PDZD4: variants seen among roughly 807,000 people sequenced by gnomAD.
PDZD4 encodes the protein PDZ domain containing 4, also known as PDZ domain-containing protein 4.
PDZD4 carries 9 observed loss-of-function variants against 38.5 expected under a neutral mutation model. The ratio of observed to expected loss-of-function variants is 0.23; its 90% CI spans 0.14 to 0.41. The LOEUF is 0.41. Ranked by LOEUF, PDZD4 falls within the 10% of genes least tolerant of loss-of-function variation. The pLI is 1.00. For synonymous variants in PDZD4, 349 were observed against 315.7 expected (o/e 1.11, Z -1.12); for missense variants, 612 against 722.0 (o/e 0.85, Z 1.75).
chrX:153,829,816 C>T, intron 1 of PDZD4: 2 of 759,858 alleles, frequency 2.6e-6, no homozygotes, highest in Non-Finnish European at 3.1e-6. Flanking sequence ...AGCCCCCGGA[C>T]GGACTTGGAC....
chrX:153,803,077 C>T lies in PDZD4; in HGVS notation c.*276G>A, dbSNP rs1029145509. The T allele has an allele frequency of 3.9e-6, 1 of 256,514 alleles. No individual in the cohort carries two copies. The highest frequency in any genetic ancestry group is 6.9e-6 in the Non-Finnish European group (1 of 143,966). The allele number at this position is 256,514 out of a possible 1,213,427, so 21.1% of individuals were successfully genotyped here. A position where few individuals can be genotyped will look rare whatever the true frequency, so the allele number is the denominator to read the frequency against. ...GAGCATGGGGGATGGGGAATGCACA[C>T]GCACAGCTGAAGGGGTGCCCATCAC... On this transcript the variant is annotated 3_prime_UTR_variant, in exon 8 of 8. Coordinates refer to ENST00000393758, the MANE Select transcript of PDZD4 (RefSeq NM_001303512.2).
chrX:153,828,021 A>G (rs142013526), intron 1 of PDZD4, among the ~76,000 whole-genome samples: 6,286 of 111,254 alleles, frequency 0.057, 428 homozygotes, highest in African/African-American at 0.19. Context: ...TCTTTCTGAA[A>G]ATCAGGCCCA....
chrX:153,803,763 G>A lies in PDZD4; in HGVS notation c.1918C>T (p.Arg640Cys). ...WKVKVRSDGT[R>C]YVAKRPVRDR... is the part of the protein sequence containing the mutation. ...CGCACGGGCCGCTTGGCCACGTAGC[G>A]GGTTCCGTCGCTGCGCACCTTCACT... The change falls in exon 8 of 8, where the codon CGC becomes TGC. Residue 640 changes from arginine to cysteine, a missense_variant. By Grantham distance (180) the Arg-to-Cys change is radical. This residue lies in a region of PDZD4 where 300 missense variants were observed against 284.6 expected (regional missense o/e 1.05). Transcript: ENST00000393758. 8.3e-7 allele frequency: 1 copy of A among 1,208,490 alleles called. No individual in the cohort carries two copies. The highest frequency in any genetic ancestry group is 3.0e-5 in the East Asian group (1 of 33,815).
intron 5 of PDZD4, 103 bp from the exon 6 acceptor site, chrX:153,805,709 G>C: frequency 3.1e-6 from 2 of 645,617 alleles, no homozygotes; most frequent in Non-Finnish European, 5.0e-6. Flanking sequence ...GGCTGGGCTA[G>C]GCTGGGGCTT....
rs782278611 is a variant in PDZD4, at chrX:153,804,176, A to G, written c.1505T>C (p.Met502Thr). 15 of 1,185,251 alleles carry G rather than the reference A, an allele frequency of 1.3e-5. No homozygotes were observed. The highest frequency in any genetic ancestry group is 1.2e-4 in the Admixed American group (5 of 42,934). The change falls in exon 8 of 8, where the codon ATG becomes ACG. Residue 502 changes from methionine (M) to threonine (T), a missense_variant. Transcript: ENST00000393758. ...PLPESPLRRAMAGNSNLNRTP... is the reference protein window; with the variant it reads ...PLPESPLRRATAGNSNLNRTP... ...CCGGTTCAAGTTGGAGTTGCCGGCC[A>G]TGGCCCGCCGCAGGGGGCTCTCGGG...
intron 1 of PDZD4, among the ~76,000 whole-genome samples, 160 bp from the exon 2 acceptor site, chrX:153,808,755 C>T (rs1248855188): frequency 8.8e-6 from 1 of 113,230 alleles, no homozygotes; most frequent in Non-Finnish European, 1.9e-5. Context: ...ACCTTTGGTG[C>T]CCCTGTTCCC....
intron 1 of PDZD4, among the ~76,000 whole-genome samples, chrX:153,816,593 CAGA>C (rs1253435055): frequency 9.0e-6 from 1 of 111,349 alleles, no homozygotes; most frequent in Non-Finnish European, 1.9e-5. Context: ...ACGGTGGATC[CAGA>C]ACACACCCCC....
chrX:153,803,255 G>A lies in PDZD4; in HGVS notation c.*98C>T, dbSNP rs2092185623. 4 of 632,702 alleles carry A rather than the reference G, an allele frequency of 6.3e-6. No individual in the cohort carries two copies. Among genetic ancestry groups the A allele is most frequent in the Non-Finnish European group, 8.7e-6 (4 of 458,648 alleles). The allele number at this position is 632,702 out of a possible 1,213,427, so 52.1% of individuals were successfully genotyped here. ...GTGTGCGTGCGCACAGCGAGCACGC[G>A]CGCGCGCACACACACACACACACAA... On this transcript the variant is annotated 3_prime_UTR_variant, in exon 8 of 8. Coordinates refer to ENST00000393758, the MANE Select transcript of PDZD4 (RefSeq NM_001303512.2).
chrX:153,814,935 A>C (rs1557079543), intron 1 of PDZD4, among the ~76,000 whole-genome samples: 1 of 112,131 alleles, frequency 8.9e-6, no homozygotes, highest in Non-Finnish European at 1.9e-5. Flanking sequence ...AGCACAATAG[A>C]TTTTGTACAA....
chrX:153,825,711 C>T (rs782317519), intron 1 of PDZD4, among the ~76,000 whole-genome samples: 1 of 112,280 alleles, frequency 8.9e-6, no homozygotes, highest in African/African-American at 3.2e-5. Context: ...CAATCCAATG[C>T]CTCTCATGAT....
chrX:153,808,341 C>T lies in PDZD4; in HGVS notation c.314+1G>A. 2 of 1,202,560 alleles carry T rather than the reference C, an allele frequency of 1.7e-6. No individual in the cohort carries two copies. The highest frequency in any genetic ancestry group is 1.8e-5 in the South Asian group (1 of 55,600). ...CCGGGGCCCTCCTGAGGGCGACTCA[C>T]AGCTCAGAGAGGACGTACGGCTCCA... is the stretch of plus-strand genomic sequence containing the variant. On this transcript the variant is annotated splice_donor_variant, in intron 2 of 7. Coordinates refer to ENST00000393758, the MANE Select transcript of PDZD4 (RefSeq NM_001303512.2). LOFTEE classifies it high-confidence loss of function.
chrX:153,820,917 A>T (rs6643647), intron 1 of PDZD4, among the ~76,000 whole-genome samples: 1 of 111,048 alleles, frequency 9.0e-6, no homozygotes, highest in South Asian at 3.8e-4. Flanking sequence ...CCTGATTCAC[A>T]GGTAATTTGG....
At position 153,803,254 on chromosome X, in the gene PDZD4, C is replaced by A. The variant is rs1456700823; in HGVS notation, c.*99G>T. The A allele has an allele frequency of 3.2e-6, 2 of 628,280 alleles. No homozygotes were observed. Among genetic ancestry groups the A allele is most frequent in the African/African-American group, 2.3e-5 (1 of 43,056 alleles). The allele number at this position is 628,280 out of a possible 1,213,427, so 51.8% of individuals were successfully genotyped here. A position where few individuals can be genotyped will look rare whatever the true frequency, so the allele number is the denominator to read the frequency against. On this transcript the variant is annotated 3_prime_UTR_variant, in exon 8 of 8. Transcript: ENST00000393758. ...TGTGTGCGTGCGCACAGCGAGCACG[C>A]GCGCGCGCACACACACACACACACA...
At chrX:153,822,652 C>CT (rs2064437901) in intron 1 of PDZD4, among the ~76,000 whole-genome samples, 2 of 99,707 alleles carry the variant, frequency 2.0e-5, no homozygotes, top group Non-Finnish European at 4.0e-5. Flanking sequence ...TCCCTCCCTC[C>CT]CTCTCTCTCT....
rs782064308 is a variant in PDZD4, at chrX:153,806,094, G to A, written c.544C>T (p.Arg182Cys). 4 of 1,211,795 alleles carry A rather than the reference G, an allele frequency of 3.3e-6. No homozygotes were observed. The highest frequency in any genetic ancestry group is 4.5e-6 in the Non-Finnish European group (4 of 895,506). ...NSIAAKDGRI[R>C]EGDRIIQING... is the part of the protein sequence containing the mutation. ...ACCTGGATGATGCGGTCTCCCTCACGGATCCGGCCGTCTTTGGCTGCAATG... is the reference window on the plus strand; with the variant it reads ...ACCTGGATGATGCGGTCTCCCTCACAGATCCGGCCGTCTTTGGCTGCAATG... Residue 182 changes from arginine to cysteine, a missense_variant, in exon 5 of 8, where the codon CGT becomes TGT. By Grantham distance (180) the Arg-to-Cys change is radical. Around this residue, in one of 3 missense-constraint regions of PDZD4, gnomAD observed 225 missense variants for 311.0 expected, o/e 0.72. Coordinates refer to ENST00000393758, the MANE Select transcript of PDZD4 (RefSeq NM_001303512.2).
At position 153,804,837 on chromosome X, in the gene PDZD4, G is replaced by C. The variant is rs782579327; in HGVS notation, c.844C>G (p.Leu282Val). 9 of 1,211,623 alleles carry C rather than the reference G, an allele frequency of 7.4e-6. No homozygotes were observed. The Admixed American group carries it at 2.0e-4, about 26-fold the overall frequency. The change falls in exon 8 of 8, where the codon CTG (leucine) becomes GTG (valine). Residue 282 changes from leucine (L) to valine (V), a missense_variant. Around this residue, in one of 3 missense-constraint regions of PDZD4, gnomAD observed 225 missense variants for 311.0 expected, o/e 0.72. Transcript: ENST00000393758. ...AGPGLSNSQE[L>V]DSGVGRTDES... ...TCAGTCCGGCCCACCCCGCTGTCCA[G>C]CTCCTGGCTGTTGCTCAGGCCTGGG...
intron 1 of PDZD4, among the ~76,000 whole-genome samples, chrX:153,824,754 TTTGGGA>T (rs2064462773): frequency 9.0e-6 from 1 of 111,728 alleles, no homozygotes; most frequent in African/African-American, 3.3e-5. Context: ...ATCCCAGCAC[TTTGGGA>T]GGCCGGTGTG....
intron 1 of PDZD4, among the ~76,000 whole-genome samples, chrX:153,827,291 T>C (rs2064491850): frequency 8.9e-6 from 1 of 111,833 alleles, no homozygotes; most frequent in African/African-American, 3.3e-5. Flanking sequence ...GGCAAAGATA[T>C]AGAGAAATTG....
rs1557075938 is a variant in PDZD4 at position 153,804,274 on chromosome X, C to T, written c.1407G>A (p.Ser469=). The T allele has an allele frequency of 5.0e-6, 6 of 1,208,659 alleles. No homozygotes were observed. Among genetic ancestry groups the T allele is most frequent in the Non-Finnish European group, 4.5e-6 (4 of 894,716 alleles). The change falls in exon 8 of 8, where the codon TCG becomes TCA. Residue 469 remains serine, a synonymous_variant. Coordinates refer to ENST00000393758, the MANE Select transcript of PDZD4 (RefSeq NM_001303512.2). ...TGTAGGCGCTGGTGCTGTCCTTGTC[C>T]GACTTCTCGGGCAGCTCGGAGATGT... is the stretch of plus-strand genomic sequence containing the variant. The part of the protein sequence containing the change: ...LSDISELPEK[S]DKDSTSAYNT...
Sources: gnomAD v4.1 joint callset for allele counts (sites outside exome capture counted in the v4.1 genomes callset) on GRCh38, gnomAD v4.1.1 for gene constraint, gnomAD v4.1.1 regional missense constraint, MANE v1.5 for transcripts, NCBI Gene and HGNC (gene_info 2026-07-23, HGNC 2026-07-21) for gene names.